ADCY2: variants seen among roughly 807,000 people sequenced by gnomAD.
The protein encoded by ADCY2 is adenylate cyclase type 2.
In ADCY2, 31 loss-of-function variants were observed where a neutral mutation model predicts 125.2. The observed-to-expected ratio is 0.25, with a 90% CI of 0.19 to 0.33. ADCY2 has a LOEUF of 0.33. Ranked by LOEUF, ADCY2 falls within the 10% of genes least tolerant of loss-of-function variation. The probability of loss-of-function intolerance (pLI) is 1.00; values close to 1 mark genes in which losing one functional copy is unlikely to be tolerated. For synonymous variants in ADCY2, 512 were observed against 548.4 expected (o/e 0.93, Z 0.93); for missense variants, 904 against 1,418.2 (o/e 0.64, Z 5.82).
At chr5:7,561,636 A>T (rs1428340165) in intron 3 of ADCY2, among the ~76,000 whole-genome samples, 1 of 151,510 alleles carries the variant, frequency 6.6e-6, no homozygotes, top group Non-Finnish European at 1.5e-5. Context: ...ATAATTTCCG[A>T]ATGCACATAT....
intron 3 of ADCY2, among the ~76,000 whole-genome samples, chr5:7,606,170 G>A (rs1263396063): frequency 6.6e-6 from 1 of 151,884 alleles, no homozygotes; most frequent in Non-Finnish European, 1.5e-5. Context: ...TTGTTTACGT[G>A]GATTTATTCA....
At chr5:7,735,578 T>A (rs776664042) in intron 14 of ADCY2, among the ~76,000 whole-genome samples, 1 of 152,228 alleles carries the variant, frequency 6.6e-6, no homozygotes, top group South Asian at 2.1e-4. Flanking sequence ...GCTATTGAGA[T>A]GATAATGTGT....
intron 3 of ADCY2, among the ~76,000 whole-genome samples, chr5:7,570,621 A>C (rs1303220346): frequency 5.2e-4 from 15 of 28,680 alleles, no homozygotes; most frequent in African/African-American, 1.2e-3. Flanking sequence ...GTCAAGGGAC[A>C]AAAAAAAAAA....
intron 2 of ADCY2, among the ~76,000 whole-genome samples, chr5:7,419,430 A>G (rs1016127324): frequency 6.6e-6 from 1 of 152,134 alleles, no homozygotes; most frequent in African/African-American, 2.4e-5. Flanking sequence ...CTACAACCAC[A>G]TGTCACAATG....
chr5:7,665,828 C>CTTTTTTTTTTTTTTTTTTTTT (rs70940750), intron 4 of ADCY2, among the ~76,000 whole-genome samples: 1 of 38,632 alleles, frequency 2.6e-5, no homozygotes, highest in Non-Finnish European at 4.5e-5. Flanking sequence ...TAATTTAATT[C>CTTTTTTTTTTTTTTTTTTTTT]TTTTTTTTTT....
intron 21 of ADCY2, among the ~76,000 whole-genome samples, chr5:7,803,262 A>G (rs1389074470): frequency 6.6e-6 from 1 of 152,206 alleles, no homozygotes; most frequent in Non-Finnish European, 1.5e-5. Flanking sequence ...ATTCCCCAGT[A>G]CTAACGAATG....
chr5:7,819,393 AG>A (rs1315806666), intron 23 of ADCY2, among the ~76,000 whole-genome samples: 1 of 152,256 alleles, frequency 6.6e-6, no homozygotes, highest in African/African-American at 2.4e-5. Context: ...GCATGGGACC[AG>A]AACGGCTATT....
At chr5:7,517,703 G>T (rs1744300313) in intron 2 of ADCY2, among the ~76,000 whole-genome samples, 1 of 152,144 alleles carries the variant, frequency 6.6e-6, no homozygotes. Context: ...TCTGTATTCA[G>T]AAAACTGAAG....
chr5:7,727,392 A>G, intron 14 of ADCY2, 131 bp downstream of exon 14: 1 of 730,528 alleles, frequency 1.4e-6, no homozygotes, highest in Admixed American at 2.8e-5. Context: ...GTAAAGGGAG[A>G]GTAACCCAGG....
At chr5:7,490,170 T>C (rs1271060547) in intron 2 of ADCY2, among the ~76,000 whole-genome samples, 3 of 152,208 alleles carry the variant, frequency 2.0e-5, no homozygotes, top group Non-Finnish European at 4.4e-5. Flanking sequence ...ATATACATAA[T>C]TGACATTAGT....
chr5:7,824,582 C>T (rs573422960), intron 24 of ADCY2, among the ~76,000 whole-genome samples: 128 of 152,302 alleles, frequency 8.4e-4, no homozygotes, highest in African/African-American at 2.9e-3. Context: ...AAAGCACTCC[C>T]GGGGCTCCTG....
chr5:7,638,680 G>T (rs1313086075), intron 4 of ADCY2, among the ~76,000 whole-genome samples: 2 of 152,202 alleles, frequency 1.3e-5, no homozygotes, highest in East Asian at 3.9e-4. Flanking sequence ...GCAGCCACCA[G>T]AGAGTTGGAT....
chr5:7,741,562 A>ATCACCG (rs1257766842), intron 14 of ADCY2, among the ~76,000 whole-genome samples: 1 of 1,872 alleles, frequency 5.3e-4, no homozygotes, highest in African/African-American at 7.2e-4. Flanking sequence ...CACCATCCCT[A>ATCACCG]TCACCATCAC....
intron 2 of ADCY2, among the ~76,000 whole-genome samples, chr5:7,435,687 G>A (rs534756905): frequency 1.3e-5 from 2 of 152,262 alleles, no homozygotes; most frequent in Non-Finnish European, 2.9e-5. Context: ...TTCTCATTTT[G>A]AGCCAAACTC....
chr5:7,538,768 T>C (rs1469578733), intron 3 of ADCY2, among the ~76,000 whole-genome samples: 1 of 152,040 alleles, frequency 6.6e-6, no homozygotes, highest in African/African-American at 2.4e-5. Context: ...AACCATTATG[T>C]AGCATGAAAG....
At chr5:7,656,309 C>G (rs976636737) in intron 4 of ADCY2, among the ~76,000 whole-genome samples, 1 of 152,220 alleles carries the variant, frequency 6.6e-6, no homozygotes, top group Non-Finnish European at 1.5e-5. Context: ...CTGCCTCAGC[C>G]TTCCGAAGTG....
intron 4 of ADCY2, among the ~76,000 whole-genome samples, chr5:7,637,903 C>A (rs1738565057): frequency 6.6e-6 from 1 of 152,148 alleles, no homozygotes; most frequent in African/African-American, 2.4e-5. Context: ...AAGCACAATC[C>A]TCATTATAAA....
At chr5:7,468,170 A>G (rs545286597) in intron 2 of ADCY2, among the ~76,000 whole-genome samples, 30 of 152,336 alleles carry the variant, frequency 2.0e-4, no homozygotes, top group African/African-American at 7.0e-4. Context: ...ATAGGGCTAA[A>G]TGCCAACAAA....
In ADCY2 at chr5:7,774,902, T is replaced by A. The variant is rs146552632; in HGVS notation, c.2384+1801T>A. On this transcript the variant is annotated intron_variant, in intron 18 of 24. Coordinates refer to ENST00000338316, the MANE Select transcript of ADCY2 (RefSeq NM_020546.3). The stretch of plus-strand genomic sequence containing the variant: ...ATACATATTTATGGGGTACATGAGA[T>A]GTTTTCATACATCTTGCAATGTGAA... Among the ~76,000 whole-genome samples, 30 of 152,356 alleles carry A rather than the reference T, an allele frequency of 2.0e-4. No individual in the cohort carries two copies. The East Asian group carries it at 5.6e-3, about 28-fold the overall frequency.
Sources: gnomAD v4.1 joint callset for allele counts (sites outside exome capture counted in the v4.1 genomes callset) on GRCh38, gnomAD v4.1.1 for gene constraint, MANE v1.5 for transcripts, NCBI Gene and HGNC (gene_info 2026-07-23, HGNC 2026-07-21) for gene names.